The following GRM5 variants were observed in gnomAD, a reference collection of about 807,000 sequenced individuals.
GRM5 encodes glutamate metabotropic receptor 5, also known as metabotropic glutamate receptor 5.
A neutral mutation model predicts 83.1 loss-of-function variants in GRM5; 19 were observed. The ratio of observed to expected loss-of-function variants is 0.23; its 90% CI spans 0.16 to 0.34. The LOEUF (loss-of-function observed/expected upper bound fraction) is 0.34, where lower values mean the gene tolerates loss of function less well. Ranked by LOEUF, GRM5 falls within the 10% of genes least tolerant of loss-of-function variation. The pLI is 1.00. For synonymous variants in GRM5, 675 were observed against 633.6 expected (o/e 1.07, Z -0.98); for missense variants, 1,160 against 1,588.3 (o/e 0.73, Z 4.58).
chr11:89,047,805 C>T lies in GRM5; in HGVS notation c.68G>A (p.Ser23Asn), dbSNP rs750584568. The part of the protein sequence containing the change: ...KEDVRGSAQS[S>N]ERRVVAHMPG... ...CATGTGAGCCACCACCCTCCTCTCA[C>T]TGGACTGTGCACTCCCACGGACATC... The change falls in exon 2 of 10, where the codon AGT becomes AAT. Residue 23 changes from serine (S) to asparagine (N), a missense_variant. Physicochemically the swap from Ser to Asn is conservative, Grantham distance 46. This residue lies in a region of GRM5 where 71 missense variants were observed against 145.8 expected (regional missense o/e 0.49). Transcript: ENST00000305447. This position sits in a 1 kb window ranked among gnomAD's most constrained non-coding sequence, Gnocchi z 5.1. 4 of 1,613,790 alleles carry T rather than the reference C, an allele frequency of 2.5e-6. No homozygotes were observed. The highest frequency in any genetic ancestry group is 3.4e-6 in the Non-Finnish European group (4 of 1,179,798).
chr11:88,786,619 C>G (rs550691678), intron 3 of GRM5, among the ~76,000 whole-genome samples: 1 of 152,204 alleles, frequency 6.6e-6, no homozygotes, highest in South Asian at 2.1e-4. Flanking sequence ...CCATAGGTAC[C>G]AACATGGCTC....
At chr11:88,783,708 G>A (rs1312487992) in intron 3 of GRM5, among the ~76,000 whole-genome samples, 2 of 151,946 alleles carry the variant, frequency 1.3e-5, no homozygotes, top group East Asian at 3.9e-4. Flanking sequence ...ATGTGACTGA[G>A]GCACAGATGA....
At chr11:88,540,679 C>T (rs1002479306) in intron 8 of GRM5, among the ~76,000 whole-genome samples, 1 of 152,122 alleles carries the variant, frequency 6.6e-6, no homozygotes, top group Non-Finnish European at 1.5e-5. Context: ...AAGTCTATGA[C>T]TAGAGATTAC....
intron 2 of GRM5, among the ~76,000 whole-genome samples, chr11:88,943,536 C>G (rs575914281): frequency 1.3e-5 from 2 of 152,086 alleles, no homozygotes; most frequent in Admixed American, 6.6e-5. Context: ...AAAAACAAAG[C>G]TTATGGTCCT....
At chr11:88,607,704 G>A (rs981707442) in intron 4 of GRM5, among the ~76,000 whole-genome samples, 2 of 152,002 alleles carry the variant, frequency 1.3e-5, no homozygotes, top group Non-Finnish European at 2.9e-5. Context: ...AAATTATTCC[G>A]CCCTAGACAC....
chr11:88,760,333 A>AAG (rs1942485769), intron 3 of GRM5, among the ~76,000 whole-genome samples: 1 of 151,164 alleles, frequency 6.6e-6, no homozygotes, highest in African/African-American at 2.4e-5. Context: ...TAGACTAATA[A>AAG]AGAGAAGATC....
chr11:88,797,527 A>G (rs1307122338), intron 3 of GRM5, among the ~76,000 whole-genome samples: 3 of 152,232 alleles, frequency 2.0e-5, no homozygotes, highest in Non-Finnish European at 2.9e-5. Flanking sequence ...GACCTAAGCA[A>G]TAGCACAAAT....
intron 8 of GRM5, among the ~76,000 whole-genome samples, chr11:88,540,939 A>AT (rs1448683006): frequency 4.0e-5 from 6 of 151,426 alleles, no homozygotes; most frequent in Non-Finnish European, 8.8e-5. Context: ...TTTAGTAGAG[A>AT]TGGGGTTTCA....
At chr11:88,793,498 G>T (rs1236702952) in intron 3 of GRM5, among the ~76,000 whole-genome samples, 2 of 152,064 alleles carry the variant, frequency 1.3e-5, no homozygotes, top group Admixed American at 6.5e-5. Flanking sequence ...GTATATTTTT[G>T]CATATTCTGA....
intron 3 of GRM5, among the ~76,000 whole-genome samples, chr11:88,741,694 ATAATCTATACTATAC>A (rs1197496796): frequency 1.3e-5 from 2 of 151,766 alleles, no homozygotes; most frequent in Non-Finnish European, 3.0e-5. Flanking sequence ...TATGCAAGAC[ATAATCTATACTATAC>A]TAATCTATAC....
intron 4 of GRM5, among the ~76,000 whole-genome samples, chr11:88,625,975 C>T (rs1389859883): frequency 6.6e-6 from 1 of 152,078 alleles, no homozygotes. Context: ...AGGCAGTGAG[C>T]TCTAAGAAAT....
rs534684768 is a variant in GRM5, at chr11:88,791,341, C to T, written c.911+58565G>A. Reference sequence around the variant, plus strand: ...TTAGGAGAGAATTGTGAGTTGAAAACATACATTTAGGAAAACATAAGATGC... The same window carrying T: ...TTAGGAGAGAATTGTGAGTTGAAAATATACATTTAGGAAAACATAAGATGC... On this transcript the variant is annotated intron_variant, in intron 3 of 9. Coordinates refer to ENST00000305447, the MANE Select transcript of GRM5 (RefSeq NM_001143831.3). Among the ~76,000 whole-genome samples the T allele has an allele frequency of 2.0e-5, 3 of 152,206 alleles. No individual in the cohort carries two copies. In the East Asian group the frequency reaches 5.8e-4, roughly 29 times the overall value.
chr11:88,975,645 G>T (rs1160805374), intron 2 of GRM5, among the ~76,000 whole-genome samples: 1 of 152,308 alleles, frequency 6.6e-6, no homozygotes, highest in Admixed American at 6.5e-5. Context: ...CTCCAACCCA[G>T]ATCTACTGAC....
chr11:88,984,682 T>C, intron 2 of GRM5: 1 of 554,750 alleles, frequency 1.8e-6, no homozygotes. Context: ...TATATATTTT[T>C]AATCAAAAAG....
intron 5 of GRM5, among the ~76,000 whole-genome samples, chr11:88,602,065 T>C (rs1321238799): frequency 1.3e-5 from 1 of 77,040 alleles, no homozygotes; most frequent in African/African-American, 3.8e-5. Context: ...TCTTTAGAGC[T>C]CTGAAATTTT....
At chr11:88,765,009 A>G (rs1411940001) in intron 3 of GRM5, among the ~76,000 whole-genome samples, 1 of 151,468 alleles carries the variant, frequency 6.6e-6, no homozygotes, top group Admixed American at 6.6e-5. Flanking sequence ...GTTAGAAATA[A>G]AAGTGGAGAC....
intron 7 of GRM5, among the ~76,000 whole-genome samples, chr11:88,584,861 T>G (rs1943283484): frequency 6.6e-6 from 1 of 152,260 alleles, no homozygotes; most frequent in Non-Finnish European, 1.5e-5. Context: ...GTTTTGTTCA[T>G]AGAAATATTT....
chr11:88,793,499 C>T (rs904058051), intron 3 of GRM5, among the ~76,000 whole-genome samples: 1 of 152,014 alleles, frequency 6.6e-6, no homozygotes, highest in Admixed American at 6.6e-5. Context: ...TATATTTTTG[C>T]ATATTCTGAG....
intron 2 of GRM5, among the ~76,000 whole-genome samples, chr11:88,947,232 A>G (rs568414617): frequency 1.6e-4 from 25 of 152,232 alleles, no homozygotes; most frequent in South Asian, 4.1e-4. Context: ...TACCTCCTGC[A>G]TTAATATTTT....
Sources: allele counts gnomAD v4.1 joint callset (sites outside exome capture counted in the v4.1 genomes callset), GRCh38; gene constraint gnomAD v4.1.1; regional missense constraint gnomAD v4.1.1; non-coding constraint Gnocchi (gnomAD v3.1); transcripts MANE v1.5; gene names NCBI Gene and HGNC (gene_info 2026-07-23, HGNC 2026-07-21).